VPS53: variants seen among roughly 807,000 people sequenced by gnomAD.
The protein encoded by VPS53 is VPS53 subunit of GARP complex.
In VPS53, 70 loss-of-function variants were observed where a neutral mutation model predicts 107.0. The observed-to-expected ratio is 0.65, with a 90% CI of 0.54 to 0.80. The LOEUF is 0.80. Among genes scored for constraint, VPS53 ranks in the 30% least tolerant of loss-of-function variants. VPS53 has a pLI of 0.00. For missense variants in VPS53, 917 were observed against 1,049.4 expected, an observed-to-expected ratio of 0.87 and a Z score of 1.74; for synonymous variants, 409 against 393.3, an observed-to-expected ratio of 1.04 and a Z score of -0.47.
intron 15 of VPS53, among the ~76,000 whole-genome samples, chr17:554,176 C>T (rs1912125262): frequency 6.6e-6 from 1 of 152,172 alleles, no homozygotes; most frequent in Non-Finnish European, 1.5e-5. Context: ...TCAGTGAATG[C>T]TACTACGGGC....
intron 7 of VPS53, among the ~76,000 whole-genome samples, chr17:642,844 G>GCGAGGACAACACTCATACTTGGAAAT (rs1567700943): frequency 7.5e-6 from 1 of 133,060 alleles, no homozygotes; most frequent in South Asian, 2.5e-4. Flanking sequence ...TACTTGGAAA[G>GCGAGGACAACACTCATACTTGGAAAT]CGAGGACAAC....
Position 560,433 on chromosome 17 carries a change from G to C in VPS53, c.1697C>G (p.Thr566Ser), listed in dbSNP as rs372689271. 7.4e-6 allele frequency: 12 copies of C among 1,610,900 alleles called. No homozygotes were observed. In the African/African-American group the frequency reaches 1.6e-4, roughly 22 times the overall value. The change falls in exon 15 of 22, where the codon ACC becomes AGC. Residue 566 changes from threonine to serine, a missense_variant. By Grantham distance (58) the Thr-to-Ser change is moderately conservative (BLOSUM62 1). Transcript: ENST00000437048. ...GCAGCCAGGATGGCTCACCTGCTGG[G>C]TGGTGGCCAGACAGTACTCTGCCGT... ...LSTAEYCLAT[T>S]QQLEEKLKEK...
chr17:574,723 C>T (rs1032855179), intron 13 of VPS53, among the ~76,000 whole-genome samples: 3 of 152,090 alleles, frequency 2.0e-5, no homozygotes, highest in African/African-American at 4.8e-5. Flanking sequence ...CCTGATCACG[C>T]CTCTGTACTC....
intron 8 of VPS53, among the ~76,000 whole-genome samples, chr17:629,944 G>C (rs1969882286): frequency 6.6e-6 from 1 of 151,700 alleles, no homozygotes; most frequent in Non-Finnish European, 1.5e-5. Flanking sequence ...TATAAAGCAG[G>C]CCTCTTCTAA....
At chr17:531,218 G>A (rs1909511225) in intron 19 of VPS53, among the ~76,000 whole-genome samples, 1 of 152,178 alleles carries the variant, frequency 6.6e-6, no homozygotes, top group African/African-American at 2.4e-5. Flanking sequence ...GAATCGTTCA[G>A]GGGCCACGTT....
intron 6 of VPS53, among the ~76,000 whole-genome samples, chr17:653,935 C>T (rs541931719): frequency 1.3e-4 from 20 of 152,322 alleles, no homozygotes; most frequent in African/African-American, 4.3e-4. Context: ...GTGGCTCACG[C>T]CTGTCATACC....
chr17:638,436 G>A (rs747071475), intron 7 of VPS53, among the ~76,000 whole-genome samples: 1 of 152,162 alleles, frequency 6.6e-6, no homozygotes, highest in Non-Finnish European at 1.5e-5. Flanking sequence ...ATATTGTTAT[G>A]TGTGAATTTG....
chr17:601,602 A>G (rs999088494), intron 12 of VPS53, among the ~76,000 whole-genome samples, 193 bp downstream of exon 12: 5 of 152,200 alleles, frequency 3.3e-5, no homozygotes, highest in African/African-American at 1.2e-4. Context: ...AGGAGCAGAG[A>G]TGTGGGCAGG....
intron 13 of VPS53, among the ~76,000 whole-genome samples, chr17:577,950 C>T (rs1206318295): frequency 6.6e-6 from 1 of 151,974 alleles, no homozygotes; most frequent in African/African-American, 2.4e-5. Context: ...CTAATGCGTT[C>T]CCAAAGATCC....
intron 9 of VPS53, among the ~76,000 whole-genome samples, chr17:627,739 C>T (rs1458570569): frequency 2.0e-5 from 3 of 151,198 alleles, no homozygotes; most frequent in Admixed American, 6.6e-5. Flanking sequence ...CGCACCACTG[C>T]GTTCCAGCCT....
intron 4 of VPS53, among the ~76,000 whole-genome samples, chr17:691,140 G>C (rs1972762598): frequency 6.6e-6 from 1 of 152,130 alleles, no homozygotes; most frequent in African/African-American, 2.4e-5. Context: ...AAGAAACTAA[G>C]AATGGTTAGC....
chr17:637,889 T>C (rs923409782), intron 7 of VPS53, among the ~76,000 whole-genome samples: 6 of 152,252 alleles, frequency 3.9e-5, no homozygotes, highest in Non-Finnish European at 8.8e-5. Context: ...AGAATGTATA[T>C]TCTGTTGATT....
rs571917815 is a variant in VPS53, at chr17:532,538, C to T, written c.2085+304G>A. The T allele has an allele frequency of 1.5e-4, 61 of 405,590 alleles. No homozygotes were observed. In the South Asian group the frequency reaches 3.3e-3, roughly 22 times the overall value. 25.1% of individuals were successfully genotyped at this position (405,590 alleles called of 1,614,324 possible). ...GCCTCCCGAAATGCTGGGGTTACAG[C>T]GTGAGCCGCTGTGCCCGGCCCAGCC... is the stretch of plus-strand genomic sequence containing the variant. On this transcript the variant is annotated intron_variant, in intron 19 of 21. Transcript: ENST00000437048.
chr17:600,250 C>T (rs191971083), intron 12 of VPS53, among the ~76,000 whole-genome samples: 104 of 152,360 alleles, frequency 6.8e-4, no homozygotes, highest in African/African-American at 2.2e-3. Context: ...CTGCAAGCAT[C>T]TGAGTGTTTA....
intron 9 of VPS53, among the ~76,000 whole-genome samples, chr17:627,744 C>T (rs1293186608): frequency 6.7e-6 from 1 of 149,892 alleles, no homozygotes; most frequent in African/African-American, 2.5e-5. Context: ...CACTGCGTTC[C>T]AGCCTGGGCA....
chr17:575,026 C>T (rs528360646), intron 13 of VPS53, among the ~76,000 whole-genome samples: 50 of 152,314 alleles, frequency 3.3e-4, no homozygotes, highest in Admixed American at 1.8e-3. Flanking sequence ...CACTGTACCT[C>T]GGTGTGCCTG....
At chr17:598,656 C>T (rs541054887) in intron 12 of VPS53, among the ~76,000 whole-genome samples, 90 of 145,808 alleles carry the variant, frequency 6.2e-4, no homozygotes, top group Admixed American at 1.5e-3. Context: ...GGCCGCGACC[C>T]GGTCTGGGAG....
chr17:688,027 T>A (rs910421452), intron 4 of VPS53, among the ~76,000 whole-genome samples: 1 of 152,200 alleles, frequency 6.6e-6, no homozygotes, highest in Admixed American at 6.5e-5. Context: ...GGAGAGAAGA[T>A]AGCTATTTGG....
At chr17:632,074 T>A (rs185246465) in intron 7 of VPS53, among the ~76,000 whole-genome samples, 3 of 152,058 alleles carry the variant, frequency 2.0e-5, no homozygotes, top group Admixed American at 2.0e-4. Context: ...ATTAGAGAGA[T>A]CCAGTCTCCA....
Sources: allele counts gnomAD v4.1 joint callset (sites outside exome capture counted in the v4.1 genomes callset), GRCh38; gene constraint gnomAD v4.1.1; transcripts MANE v1.5; gene names NCBI Gene and HGNC (gene_info 2026-07-23, HGNC 2026-07-21).